Variants in LAMC1 observed in about 807,000 individuals in gnomAD.
The protein encoded by LAMC1 is laminin subunit gamma-1.
In LAMC1, 38 loss-of-function variants were observed where a neutral mutation model predicts 173.6. The ratio of observed to expected loss-of-function variants is 0.22; its 90% confidence interval spans 0.17 to 0.29. The LOEUF (loss-of-function observed/expected upper bound fraction) is 0.29, where lower values mean the gene tolerates loss of function less well. Ranked by LOEUF, LAMC1 falls within the 10% of genes least tolerant of loss-of-function variation. LAMC1 has a pLI of 1.00. For synonymous variants in LAMC1, 746 were observed against 749.1 expected, an observed-to-expected ratio of 1.00 and a Z score of 0.07; for missense variants, 1,824 against 2,051.8, an observed-to-expected ratio of 0.89 and a Z score of 2.14.
intron 26 of LAMC1, among the ~76,000 whole-genome samples, chr1:183,139,211 G>A (rs560318894): frequency 1.3e-5 from 2 of 152,194 alleles, no homozygotes; most frequent in African/African-American, 4.8e-5. Context: ...AGTTCAAAGG[G>A]TGAAAGAAGA....
chr1:183,116,066 C>T (rs369620821), intron 6 of LAMC1, among the ~76,000 whole-genome samples: 1 of 146,450 alleles, frequency 6.8e-6, no homozygotes, highest in Admixed American at 6.8e-5. Context: ...GGAGGTGGAG[C>T]TTGCAGTGAG....
chr1:183,025,645 T>G (rs549119603), intron 1 of LAMC1, among the ~76,000 whole-genome samples: 132 of 152,386 alleles, frequency 8.7e-4, no homozygotes, highest in African/African-American at 3.0e-3. Context: ...ATTTTTGAAA[T>G]GTGTATCTAA....
rs1440405319 is a variant in LAMC1 at position 183,131,438 on chromosome 1, T to TGTGTGTGA, written c.3566+67_3566+68insAGTGTGTG. The TGTGTGTGA allele has an allele frequency of 4.4e-4, 435 of 993,246 alleles. 2 individuals are homozygous for TGTGTGTGA. The East Asian group carries it at 0.01, about 24-fold the overall frequency. The allele number at this position is 993,246 out of a possible 1,614,324, so 61.5% of individuals were successfully genotyped here. ...TGGCTTCTGTTATGGGGTGTGTGTG[T>TGTGTGTGA]GTGTGTGTGTGTGTGTGTGTGTATT... is the stretch of plus-strand genomic sequence containing the variant. On this transcript the variant is annotated intron_variant, in intron 20 of 27. Transcript: ENST00000258341.
intron 1 of LAMC1, among the ~76,000 whole-genome samples, chr1:183,083,979 T>G (rs925751071): frequency 1.3e-5 from 2 of 152,244 alleles, no homozygotes; most frequent in Non-Finnish European, 2.9e-5. Context: ...TACATAACAT[T>G]AGGATAGTTT....
chr1:183,126,001 T>G, intron 15 of LAMC1, 119 bp from the exon 16 acceptor site: 1 of 963,322 alleles, frequency 1.0e-6, no homozygotes, highest in Non-Finnish European at 1.5e-6. Flanking sequence ...TTAGTAACCC[T>G]TACCATTCAG....
chr1:183,107,563 G>A (rs1656014009), intron 2 of LAMC1, among the ~76,000 whole-genome samples: 2 of 152,190 alleles, frequency 1.3e-5, no homozygotes, highest in African/African-American at 4.8e-5. Context: ...AGGCGTGGTG[G>A]CTCACGCCTG....
At chr1:183,046,614 T>C (rs1654274034) in intron 1 of LAMC1, among the ~76,000 whole-genome samples, 1 of 152,140 alleles carries the variant, frequency 6.6e-6, no homozygotes, top group Non-Finnish European at 1.5e-5. Flanking sequence ...CTAACTCTTT[T>C]GTCACTGGTA....
intron 1 of LAMC1, among the ~76,000 whole-genome samples, chr1:183,073,329 A>T (rs1352280636): frequency 6.6e-6 from 1 of 152,226 alleles, no homozygotes; most frequent in Admixed American, 6.5e-5. Flanking sequence ...GAAGTTAGGA[A>T]CCACAGAAGT....
intron 4 of LAMC1, among the ~76,000 whole-genome samples, chr1:183,111,441 G>A (rs764833661): frequency 1.8e-4 from 27 of 152,104 alleles, no homozygotes; most frequent in Non-Finnish European, 2.5e-4. Flanking sequence ...AGAGTACAAC[G>A]GGGAGAATTT....
At chr1:183,082,601 C>T (rs901184556) in intron 1 of LAMC1, among the ~76,000 whole-genome samples, 3 of 152,064 alleles carry the variant, frequency 2.0e-5, no homozygotes, top group Admixed American at 2.0e-4. Context: ...TTACCACAGC[C>T]CACCCAGATA....
chr1:183,127,010 G>A (rs1241633525), intron 16 of LAMC1, among the ~76,000 whole-genome samples: 1 of 152,162 alleles, frequency 6.6e-6, no homozygotes, highest in Non-Finnish European at 1.5e-5. Context: ...CCCAAAGGTT[G>A]CACGTTTTAC....
intron 1 of LAMC1, among the ~76,000 whole-genome samples, chr1:183,048,635 T>C (rs1216988924): frequency 1.3e-5 from 2 of 152,212 alleles, no homozygotes; most frequent in South Asian, 2.1e-4. Context: ...GCTACACACA[T>C]GTACACCACC....
Position 183,144,062 on chromosome 1 carries a change from C to T in LAMC1, c.*1272C>T, listed in dbSNP as rs959522893. 6.6e-6 allele frequency: 1 copy of T among 152,512 alleles called. No individual in the cohort carries two copies. Among genetic ancestry groups the T allele is most frequent in the East Asian group, 1.9e-4 (1 of 5,168 alleles). 9.4% of individuals were successfully genotyped at this position (152,512 alleles called of 1,614,324 possible). ...AGGGAAGACCCTTACGTGGAGTTTC[C>T]TAGTGGGCTTCTCAACTTTTGATCC... On this transcript the variant is annotated 3_prime_UTR_variant, in exon 28 of 28. Coordinates refer to ENST00000258341, the MANE Select transcript of LAMC1 (RefSeq NM_002293.4).
chr1:183,051,697 C>A (rs1358614907), intron 1 of LAMC1, among the ~76,000 whole-genome samples: 1 of 152,172 alleles, frequency 6.6e-6, no homozygotes, highest in East Asian at 1.9e-4. Flanking sequence ...CTTAGAAGAA[C>A]CTGTAGACAC....
At position 183,023,527 on chromosome 1, in the gene LAMC1, C is replaced by A. The variant is rs552113828; in HGVS notation, c.-190C>A. 3.7e-6 allele frequency: 1 copy of A among 271,404 alleles called. No homozygotes were observed. Among genetic ancestry groups the A allele is most frequent in the East Asian group, 8.5e-5 (1 of 11,728 alleles). 16.8% of individuals were successfully genotyped at this position (271,404 alleles called of 1,614,324 possible). A position where few individuals can be genotyped will look rare whatever the true frequency, so the allele number is the denominator to read the frequency against. On this transcript the variant is annotated 5_prime_UTR_variant, in exon 1 of 28. Transcript: ENST00000258341. ...GCGCGCGGGGGCAGTGGTCGGCGAG[C>A]AGCGCGGTCCTCGCTAGGGGCGCCC...
intron 1 of LAMC1, among the ~76,000 whole-genome samples, chr1:183,044,675 A>T (rs957870864): frequency 6.6e-6 from 1 of 152,096 alleles, no homozygotes; most frequent in Non-Finnish European, 1.5e-5. Context: ...AAGATTTAAG[A>T]CATCCCCCTT....
At chr1:183,093,842 C>T (rs1166593909) in intron 1 of LAMC1, among the ~76,000 whole-genome samples, 2 of 152,188 alleles carry the variant, frequency 1.3e-5, no homozygotes, top group Non-Finnish European at 2.9e-5. Flanking sequence ...GTTCCACCCT[C>T]AAAATATGTC....
At chr1:183,044,697 A>C (rs1021460136) in intron 1 of LAMC1, among the ~76,000 whole-genome samples, 1 of 152,150 alleles carries the variant, frequency 6.6e-6, no homozygotes, top group African/African-American at 2.4e-5. Context: ...TGTGGACAGT[A>C]GTAATAGAAG....
intron 1 of LAMC1, among the ~76,000 whole-genome samples, chr1:183,083,109 G>T (rs546422922): frequency 1.1e-4 from 16 of 152,236 alleles, no homozygotes; most frequent in African/African-American, 3.9e-4. Context: ...TTTTGAATTG[G>T]TGCAAGACAG....
Sources: gnomAD v4.1 joint callset for allele counts (sites outside exome capture counted in the v4.1 genomes callset) on GRCh38, gnomAD v4.1.1 for gene constraint, MANE v1.5 for transcripts, NCBI Gene and HGNC (gene_info 2026-07-23, HGNC 2026-07-21) for gene names.